Variants in CDKAL1 observed in about 807,000 individuals in gnomAD.
CDKAL1 encodes the protein threonylcarbamoyladenosine tRNA methylthiotransferase.
Under a neutral mutation model 68.2 loss-of-function variants are expected in CDKAL1, and 32 were observed. The ratio of observed to expected loss-of-function variants is 0.47; its 90% CI spans 0.35 to 0.63. CDKAL1 has a LOEUF of 0.63. Among genes scored for constraint, CDKAL1 ranks in the 30% least tolerant of loss-of-function variants. CDKAL1 has a pLI of 0.00. For missense variants in CDKAL1, 606 were observed against 696.7 expected, an observed-to-expected ratio of 0.87 and a Z score of 1.47; for synonymous variants, 234 against 244.3, an observed-to-expected ratio of 0.96 and a Z score of 0.39.
At chr6:20,626,863 G>C (rs1767454164) in intron 4 of CDKAL1, among the ~76,000 whole-genome samples, 1 of 152,130 alleles carries the variant, frequency 6.6e-6, no homozygotes, top group South Asian at 2.1e-4. Context: ...TGGAAGCTGT[G>C]TAGTACAACA....
chr6:20,845,446 T>A (rs1371048562), intron 8 of CDKAL1, among the ~76,000 whole-genome samples: 1 of 152,128 alleles, frequency 6.6e-6, no homozygotes, highest in Non-Finnish European at 1.5e-5. Context: ...GCCTATTTTT[T>A]AATTTTTTAA....
intron 5 of CDKAL1, among the ~76,000 whole-genome samples, chr6:20,729,610 T>C (rs561515354): frequency 6.6e-6 from 1 of 152,326 alleles, no homozygotes; most frequent in African/African-American, 2.4e-5. Context: ...CTTTCACATA[T>C]TAACATTTAA....
chr6:20,776,235 T>C (rs777363086), intron 7 of CDKAL1, among the ~76,000 whole-genome samples: 4 of 152,244 alleles, frequency 2.6e-5, no homozygotes, highest in Admixed American at 2.0e-4. Flanking sequence ...ATAGTCATTA[T>C]TGAATTCTTG....
At chr6:20,772,373 C>T (rs1185923131) in intron 7 of CDKAL1, among the ~76,000 whole-genome samples, 3 of 152,178 alleles carry the variant, frequency 2.0e-5, no homozygotes, top group African/African-American at 7.2e-5. Context: ...ACTGCTTTGA[C>T]TTTTAACTGT....
chr6:20,860,152 A>G (rs1759537744), intron 9 of CDKAL1, among the ~76,000 whole-genome samples: 3 of 151,992 alleles, frequency 2.0e-5, no homozygotes, highest in Non-Finnish European at 2.9e-5. Flanking sequence ...ATCTCAACTC[A>G]CTGCAACCTT....
chr6:20,556,358 T>C (rs1581720020), intron 4 of CDKAL1, among the ~76,000 whole-genome samples: 1 of 150,810 alleles, frequency 6.6e-6, no homozygotes, highest in African/African-American at 2.4e-5. Context: ...AGACTGAAAC[T>C]CCGCCTCAAA....
chr6:21,003,371 T>TATATATATATATATATATATATATATAC, intron 11 of CDKAL1, among the ~76,000 whole-genome samples: 4 of 49,290 alleles, frequency 8.1e-5, no homozygotes, highest in African/African-American at 3.3e-4. Flanking sequence ...TATATATATA[T>TATATATATATATATATATATATATATAC]ACACACACAC....
In CDKAL1 at chr6:20,612,990, TACACACACACACACACACAC is replaced by T. The variant is rs55999857; in HGVS notation, c.287-36267_287-36248del. The stretch of plus-strand genomic sequence containing the variant: ...TGAAGAAACTCATTGTTGCAATTTC[TACACACACACACACACACAC>T]ACACACACACACACACACACACACA... On this transcript the variant is annotated intron_variant, in intron 4 of 15. Transcript: ENST00000274695. Among the ~76,000 whole-genome samples the T allele has an allele frequency of 1.7e-3, 221 of 130,054 alleles. 3 individuals carry two copies. Among genetic ancestry groups the T allele is most frequent in the African/African-American group, 4.6e-3 (161 of 35,096 alleles). 85.3% of individuals were successfully genotyped at this position (130,054 alleles called of 152,430 possible).
chr6:21,195,907 T>C (rs1778451860), intron 13 of CDKAL1, among the ~76,000 whole-genome samples: 1 of 152,210 alleles, frequency 6.6e-6, no homozygotes. Flanking sequence ...AAAAGGTGTT[T>C]GCCACTATGA....
intron 7 of CDKAL1, among the ~76,000 whole-genome samples, chr6:20,780,685 T>A (rs1486394258): frequency 7.6e-6 from 1 of 131,004 alleles, no homozygotes; most frequent in Non-Finnish European, 1.6e-5. Flanking sequence ...TTTTTTTTTT[T>A]TTTTTTGAGA....
At chr6:20,965,109 G>T (rs1765236454) in intron 10 of CDKAL1, among the ~76,000 whole-genome samples, 1 of 152,092 alleles carries the variant, frequency 6.6e-6, no homozygotes, top group African/African-American at 2.4e-5. Context: ...TCAGGAGTTT[G>T]AGACCAGCCT....
intron 5 of CDKAL1, among the ~76,000 whole-genome samples, chr6:20,686,691 G>T (rs1581384189): frequency 6.6e-6 from 1 of 152,300 alleles, no homozygotes; most frequent in East Asian, 1.9e-4. Context: ...TGCCAAAACG[G>T]TTGGGGGCCA....
At chr6:20,711,695 C>T (rs1771853864) in intron 5 of CDKAL1, among the ~76,000 whole-genome samples, 1 of 152,314 alleles carries the variant, frequency 6.6e-6, no homozygotes, top group South Asian at 2.1e-4. Context: ...AATTCCATGG[C>T]TTAATGATAT....
chr6:20,676,313 G>A (rs976029743), intron 5 of CDKAL1, among the ~76,000 whole-genome samples: 3 of 152,178 alleles, frequency 2.0e-5, no homozygotes, highest in Admixed American at 6.5e-5. Flanking sequence ...ACTGACTCAC[G>A]CAGAGCAACT....
intron 4 of CDKAL1, among the ~76,000 whole-genome samples, chr6:20,578,602 G>T (rs1239986334): frequency 6.6e-6 from 1 of 152,150 alleles, no homozygotes; most frequent in Admixed American, 6.5e-5. Context: ...TTTTTAAGAG[G>T]ATTGTTAGTA....
chr6:20,855,852 G>T (rs931156629), intron 9 of CDKAL1, among the ~76,000 whole-genome samples: 1 of 152,230 alleles, frequency 6.6e-6, no homozygotes, highest in South Asian at 2.1e-4. Flanking sequence ...TTCAGAAAGC[G>T]ATATGTGGAG....
intron 8 of CDKAL1, among the ~76,000 whole-genome samples, chr6:20,807,270 C>A (rs1248857652): frequency 6.6e-6 from 1 of 151,846 alleles, no homozygotes; most frequent in Non-Finnish European, 1.5e-5. Context: ...TTGCCCCAGG[C>A]TGGAGTGCAG....
chr6:20,542,194 G>A (rs1041441820), intron 2 of CDKAL1, among the ~76,000 whole-genome samples: 1 of 152,202 alleles, frequency 6.6e-6, no homozygotes, highest in African/African-American at 2.4e-5. Context: ...TGAATGATGT[G>A]AATGGAAGGA....
intron 8 of CDKAL1, among the ~76,000 whole-genome samples, chr6:20,835,890 G>A (rs932361903): frequency 6.6e-6 from 1 of 152,046 alleles, no homozygotes; most frequent in Non-Finnish European, 1.5e-5. Context: ...TCTGAAAAAT[G>A]GAGCTTCTAC....
Sources: gnomAD v4.1 joint callset for allele counts (sites outside exome capture counted in the v4.1 genomes callset) on GRCh38, gnomAD v4.1.1 for gene constraint, MANE v1.5 for transcripts, NCBI Gene and HGNC (gene_info 2026-07-23, HGNC 2026-07-21) for gene names.